The following GRIP1 variants were observed in gnomAD, a reference collection of about 807,000 sequenced individuals.
GRIP1 encodes the protein glutamate receptor-interacting protein 1.
GRIP1 carries 45 observed loss-of-function variants against 129.9 expected under a neutral mutation model. The observed-to-expected ratio is 0.35, with a 90% CI of 0.27 to 0.44. GRIP1 has a LOEUF of 0.44. Ranked by LOEUF, GRIP1 falls within the 20% of genes least tolerant of loss-of-function variation. The pLI, the probability that GRIP1 is intolerant of heterozygous loss-of-function variation, is 1.00. For synonymous variants in GRIP1, 530 were observed against 520.8 expected (o/e 1.02, Z -0.24); for missense variants, 1,196 against 1,396.8 (o/e 0.86, Z 2.29).
intron 1 of GRIP1, among the ~76,000 whole-genome samples, chr12:67,013,130 A>T (rs1389287183): frequency 1.3e-5 from 2 of 152,204 alleles, no homozygotes; most frequent in Non-Finnish European, 2.9e-5. Context: ...TTGAGGAAAG[A>T]AAATATCAGG....
In GRIP1 at chr12:66,348,947, G is replaced by C; in HGVS notation, c.*72C>G. The C allele has an allele frequency of 1.9e-6, 2 of 1,067,822 alleles. No individual in the cohort carries two copies. Among genetic ancestry groups the C allele is most frequent in the Non-Finnish European group, 2.9e-6 (2 of 680,744 alleles). 66.1% of individuals were successfully genotyped at this position (1,067,822 alleles called of 1,614,324 possible). On this transcript the variant is annotated 3_prime_UTR_variant, in exon 25 of 25. Coordinates refer to ENST00000359742, the MANE Select transcript of GRIP1 (RefSeq NM_001366722.1). ...TTGATTGATTATCTGTGCTTCAAAG[G>C]TCACAGAAATCTTAAAGGATTTTTA...
intron 1 of GRIP1, among the ~76,000 whole-genome samples, chr12:66,952,689 A>C (rs896928578): frequency 6.6e-6 from 1 of 152,206 alleles, no homozygotes; most frequent in African/African-American, 2.4e-5. Flanking sequence ...ATTTCATCTC[A>C]ATAGAGTTCA....
At chr12:66,487,034 TC>T (rs1471845655) in intron 7 of GRIP1, among the ~76,000 whole-genome samples, 1 of 152,058 alleles carries the variant, frequency 6.6e-6, no homozygotes, top group Admixed American at 6.6e-5. Flanking sequence ...CAAGTGATCC[TC>T]CCAACTCAGC....
intron 1 of GRIP1, among the ~76,000 whole-genome samples, chr12:66,604,238 C>T (rs2064407676): frequency 6.6e-6 from 1 of 152,188 alleles, no homozygotes; most frequent in Non-Finnish European, 1.5e-5. Flanking sequence ...CTCAGTGATG[C>T]CTGCAGGCCT....
intron 5 of GRIP1, among the ~76,000 whole-genome samples, chr12:66,521,508 TAA>T (rs764936421): frequency 4.6e-5 from 7 of 152,156 alleles, no homozygotes; most frequent in Non-Finnish European, 8.8e-5. Context: ...TGTGAACTGT[TAA>T]AACATTCCTG....
intron 1 of GRIP1, among the ~76,000 whole-genome samples, chr12:66,828,617 C>T (rs11176440): frequency 0.27 from 41,502 of 152,086 alleles, 6,840 homozygotes; most frequent in Non-Finnish European, 0.37. Flanking sequence ...TTACCCTCAT[C>T]ATTTTTCAGT....
chr12:66,859,336 A>C (rs966800096), intron 1 of GRIP1, among the ~76,000 whole-genome samples: 2 of 145,596 alleles, frequency 1.4e-5, no homozygotes, highest in African/African-American at 5.0e-5. Flanking sequence ...CAGAAATAGA[A>C]GCTATTTAGT....
intron 1 of GRIP1, chr12:67,069,018 C>CCCGCCCCCCCCCG: frequency 1.7e-6 from 1 of 588,236 alleles, no homozygotes; most frequent in South Asian, 7.6e-5. Flanking sequence ...CGGACCCCTG[C>CCCGCCCCCCCCCG]CCTCCCTCCC....
intron 1 of GRIP1, among the ~76,000 whole-genome samples, chr12:66,994,093 T>C (rs2042432540): frequency 6.6e-6 from 1 of 151,878 alleles, no homozygotes; most frequent in Non-Finnish European, 1.5e-5. Flanking sequence ...GAGGAATTAA[T>C]ACTAATTCTT....
intron 2 of GRIP1, among the ~76,000 whole-genome samples, chr12:66,546,973 C>G (rs937660190): frequency 4.6e-5 from 7 of 152,046 alleles, no homozygotes; most frequent in Non-Finnish European, 1.0e-4. Flanking sequence ...AAAAGAACAT[C>G]TACAGACCAG....
chr12:66,392,434 C>T lies in GRIP1; in HGVS notation c.2338G>A (p.Glu780Lys). 3 of 1,614,120 alleles carry T rather than the reference C, an allele frequency of 1.9e-6. No individual in the cohort carries two copies. The highest frequency in any genetic ancestry group is 2.5e-6 in the Non-Finnish European group (3 of 1,179,974). The change falls in exon 19 of 25, where the codon GAG becomes AAG. Residue 780 changes from glutamate to lysine, a missense_variant. By Grantham distance (56) the Glu-to-Lys change is moderately conservative. Coordinates refer to ENST00000359742, the MANE Select transcript of GRIP1 (RefSeq NM_001366722.1). ...GGCTTCTGTGCTGGTGAGGAGTCCT[C>T]CTCCACATCCCCCAGGTCACTCAAA... is the stretch of plus-strand genomic sequence containing the variant. ...SHLSDLGDVEEDSSPAQKPGK... is the reference protein window; with the variant it reads ...SHLSDLGDVEKDSSPAQKPGK...
chr12:66,650,854 A>G (rs933683267), intron 1 of GRIP1, among the ~76,000 whole-genome samples: 1 of 152,190 alleles, frequency 6.6e-6, no homozygotes, highest in African/African-American at 2.4e-5. Flanking sequence ...TCTGGCTCTG[A>G]CACCACACTG....
intron 1 of GRIP1, among the ~76,000 whole-genome samples, chr12:66,814,574 G>C (rs2039168162): frequency 7.3e-6 from 1 of 136,850 alleles, no homozygotes; most frequent in Non-Finnish European, 1.5e-5. Flanking sequence ...GCTGCACTAA[G>C]TACTAGTGAT....
chr12:66,984,321 G>A (rs2042279786), intron 1 of GRIP1, among the ~76,000 whole-genome samples: 1 of 152,178 alleles, frequency 6.6e-6, no homozygotes, highest in Non-Finnish European at 1.5e-5. Flanking sequence ...AGTCTCAAAA[G>A]CCATGCTGTA....
chr12:66,877,389 C>T (rs1481657481), intron 1 of GRIP1, among the ~76,000 whole-genome samples: 2 of 151,950 alleles, frequency 1.3e-5, no homozygotes, highest in Non-Finnish European at 2.9e-5. Flanking sequence ...TTTTAAGTCA[C>T]TAAAAGGCAG....
chr12:66,880,977 A>AT (rs1472895677), intron 1 of GRIP1, among the ~76,000 whole-genome samples: 1 of 151,684 alleles, frequency 6.6e-6, no homozygotes, highest in Non-Finnish European at 1.5e-5. Context: ...TTCAGGTAGA[A>AT]TTTCTGTTAC....
intron 1 of GRIP1, among the ~76,000 whole-genome samples, chr12:66,652,472 G>A (rs1302634277): frequency 1.3e-5 from 2 of 152,080 alleles, no homozygotes; most frequent in African/African-American, 2.4e-5. Context: ...AATTACCTTG[G>A]GTATTTCTTT....
chr12:66,736,374 TTTTTTTTTTTTTTTTTTTAG>T, intron 1 of GRIP1, among the ~76,000 whole-genome samples: 1 of 74,444 alleles, frequency 1.3e-5, no homozygotes, highest in Admixed American at 1.3e-4. Flanking sequence ...TTTTTTTTTT[TTTTTTTTTTTTTTTTTTTAG>T]GATACAGGGT....
At chr12:66,673,624 A>G (rs2034186246) in intron 1 of GRIP1, among the ~76,000 whole-genome samples, 1 of 152,230 alleles carries the variant, frequency 6.6e-6, no homozygotes, top group Non-Finnish European at 1.5e-5. Flanking sequence ...AACTAGTTAT[A>G]TAAACGAAAA....
Sources: allele counts gnomAD v4.1 joint callset (sites outside exome capture counted in the v4.1 genomes callset), GRCh38; gene constraint gnomAD v4.1.1; transcripts MANE v1.5; gene names NCBI Gene and HGNC (gene_info 2026-07-23, HGNC 2026-07-21).